ANO2: variants seen among roughly 807,000 people sequenced by gnomAD.
ANO2 encodes the protein anoctamin 2.
ANO2 carries 101 observed loss-of-function variants against 124.2 expected under a neutral mutation model. That is an observed-to-expected ratio of 0.81 (90% CI 0.69 to 0.96). ANO2 has a LOEUF of 0.96. ANO2 is among the 40% of genes least tolerant of loss of function. The pLI is 0.00. For synonymous variants in ANO2, 486 were observed against 482.5 expected (o/e 1.01, Z -0.09); for missense variants, 1,293 against 1,274.5 (o/e 1.01, Z -0.22).
intron 22 of ANO2, among the ~76,000 whole-genome samples, chr12:5,577,348 G>A (rs527992302): frequency 9.8e-5 from 15 of 152,358 alleles, no homozygotes; most frequent in African/African-American, 3.4e-4. Context: ...GGTGGGACAG[G>A]AGGCCCTTCC....
At chr12:5,936,349 C>T (rs534416985) in intron 1 of ANO2, among the ~76,000 whole-genome samples, 1 of 152,210 alleles carries the variant, frequency 6.6e-6, no homozygotes, top group Non-Finnish European at 1.5e-5. Flanking sequence ...TGAAACTTAA[C>T]CCTCAATGCA....
At chr12:5,811,988 C>T (rs993837868) in intron 7 of ANO2, among the ~76,000 whole-genome samples, 2 of 151,060 alleles carry the variant, frequency 1.3e-5, no homozygotes, top group South Asian at 2.1e-4. Flanking sequence ...TCAACTCCTC[C>T]TGCTTTGCCA....
chr12:5,576,332 A>T (rs560419910), intron 22 of ANO2, among the ~76,000 whole-genome samples: 1 of 152,348 alleles, frequency 6.6e-6, no homozygotes, highest in East Asian at 1.9e-4. Context: ...CTGTTGAGCA[A>T]GCCAAAACAG....
intron 15 of ANO2, among the ~76,000 whole-genome samples, chr12:5,640,168 C>T (rs1020762832): frequency 6.6e-6 from 1 of 152,144 alleles, no homozygotes; most frequent in Non-Finnish European, 1.5e-5. Context: ...TCTCATCACC[C>T]CATGAAAAGC....
intron 1 of ANO2, among the ~76,000 whole-genome samples, chr12:5,923,455 G>A (rs890298751): frequency 3.3e-5 from 5 of 152,196 alleles, no homozygotes; most frequent in African/African-American, 7.2e-5. Context: ...GGCCTCTCCC[G>A]TGGCAGCAGC....
At chr12:5,565,202 G>T (rs1941676438) in intron 24 of ANO2, among the ~76,000 whole-genome samples, 1 of 152,206 alleles carries the variant, frequency 6.6e-6, no homozygotes, top group South Asian at 2.1e-4. Flanking sequence ...GCAGAGATGA[G>T]ATGGGGCTGT....
intron 16 of ANO2, among the ~76,000 whole-genome samples, chr12:5,618,689 C>T (rs539673148): frequency 6.6e-6 from 1 of 152,338 alleles, no homozygotes; most frequent in South Asian, 2.1e-4. Flanking sequence ...CCAGTCTAAC[C>T]TGATGCGCCT....
At chr12:5,615,343 A>C in intron 16 of ANO2, 46 bp from the exon 17 acceptor site, 35 of 1,467,768 alleles carry the variant, frequency 2.4e-5, no homozygotes, top group Non-Finnish European at 2.9e-5. Flanking sequence ...GAGATTTCTC[A>C]CCTCTCCAGA....
At chr12:5,932,728 G>A (rs928635046) in intron 1 of ANO2, among the ~76,000 whole-genome samples, 2 of 152,160 alleles carry the variant, frequency 1.3e-5, no homozygotes, top group Admixed American at 1.3e-4. Flanking sequence ...GACCAGTGAG[G>A]AAGGAAAGTA....
chr12:5,671,779 G>A (rs1359408764), intron 14 of ANO2, among the ~76,000 whole-genome samples: 2 of 152,162 alleles, frequency 1.3e-5, no homozygotes, highest in Non-Finnish European at 2.9e-5. Context: ...TCTTTATGAT[G>A]ACCATATTTT....
intron 4 of ANO2, among the ~76,000 whole-genome samples, chr12:5,847,724 T>C (rs1954727096): frequency 6.6e-6 from 1 of 152,220 alleles, no homozygotes; most frequent in South Asian, 2.1e-4. Flanking sequence ...TGGAATTACC[T>C]TTCCCTCCTA....
At chr12:5,657,167 A>T (rs1291743236) in intron 14 of ANO2, among the ~76,000 whole-genome samples, 1 of 152,118 alleles carries the variant, frequency 6.6e-6, no homozygotes, top group Admixed American at 6.5e-5. Flanking sequence ...AGACAAAAGG[A>T]CTCACGGCAG....
At chr12:5,833,188 C>T (rs1366023653) in intron 4 of ANO2, among the ~76,000 whole-genome samples, 1 of 152,192 alleles carries the variant, frequency 6.6e-6, no homozygotes. Flanking sequence ...AGTTTGCTTT[C>T]AAAGTATTAA....
intron 14 of ANO2, among the ~76,000 whole-genome samples, chr12:5,679,421 C>G (rs251756): frequency 1 from 152,202 of 152,336 alleles, 76,034 homozygotes; most frequent in Middle Eastern, 1. Flanking sequence ...AATCTACAAG[C>G]AACTTAAGCA....
chr12:5,815,146 T>A (rs780675067), intron 7 of ANO2, among the ~76,000 whole-genome samples: 8 of 152,194 alleles, frequency 5.3e-5, no homozygotes, highest in Non-Finnish European at 1.2e-4. Context: ...CTAAAATAGA[T>A]CTCACAAAAC....
chr12:5,872,056 C>T (rs1412946455), intron 3 of ANO2, among the ~76,000 whole-genome samples: 3 of 152,198 alleles, frequency 2.0e-5, no homozygotes, highest in African/African-American at 7.2e-5. Flanking sequence ...AGAAGCAGTC[C>T]AGAAACTAGC....
chr12:5,607,554 G>A (rs758951824), intron 19 of ANO2, among the ~76,000 whole-genome samples: 2 of 152,068 alleles, frequency 1.3e-5, no homozygotes, highest in Admixed American at 1.3e-4. Context: ...CTGGGCCACA[G>A]ACCAGTACCC....
chr12:5,634,706 G>A lies in ANO2; in HGVS notation c.1816+446C>T, dbSNP rs528397573. The stretch of plus-strand genomic sequence containing the variant: ...ATTTTCTGGGGCCTCTGACAATACG[G>A]GGATAGATAAGACCAGTAAGACCCT... On this transcript the variant is annotated intron_variant, in intron 16 of 24. Coordinates refer to ENST00000682330, the MANE Select transcript of ANO2 (RefSeq NM_001364791.2). Among the ~76,000 whole-genome samples, 10 of 152,272 alleles carry A rather than the reference G, an allele frequency of 6.6e-5. No individual in the cohort carries two copies. The Middle Eastern group carries it at 0.014, about 207-fold the overall frequency.
At chr12:5,918,702 G>A (rs1209695364) in intron 3 of ANO2, among the ~76,000 whole-genome samples, 1 of 152,108 alleles carries the variant, frequency 6.6e-6, no homozygotes, top group African/African-American at 2.4e-5. Flanking sequence ...GCCTCCCAAA[G>A]TGCTTGGATT....
Sources: gnomAD v4.1 joint callset for allele counts (sites outside exome capture counted in the v4.1 genomes callset) on GRCh38, gnomAD v4.1.1 for gene constraint, MANE v1.5 for transcripts, NCBI Gene and HGNC (gene_info 2026-07-23, HGNC 2026-07-21) for gene names.